The following ZCCHC7 variants were observed in gnomAD, a reference collection of about 807,000 sequenced individuals.
ZCCHC7 encodes zinc finger CCHC domain-containing protein 7.
In ZCCHC7, 35 loss-of-function variants were observed where a neutral mutation model predicts 52.0. The ratio of observed to expected loss-of-function variants is 0.67; its 90% CI spans 0.51 to 0.89. The LOEUF (loss-of-function observed/expected upper bound fraction) is 0.89, where lower values mean the gene tolerates loss of function less well. Among genes scored for constraint, ZCCHC7 ranks in the 40% least tolerant of loss-of-function variants. The pLI is 0.00. For synonymous variants in ZCCHC7, 217 were observed against 221.5 expected, an observed-to-expected ratio of 0.98 and a Z score of 0.18; for missense variants, 574 against 649.1, an observed-to-expected ratio of 0.88 and a Z score of 1.26.
At chr9:37,356,251 C>A (rs1011877887) in intron 8 of ZCCHC7, among the ~76,000 whole-genome samples, 1 of 151,724 alleles carries the variant, frequency 6.6e-6, no homozygotes, top group Non-Finnish European at 1.5e-5. Context: ...CCGTATTAAG[C>A]GTGTCAAGCT....
intron 2 of ZCCHC7, among the ~76,000 whole-genome samples, chr9:37,143,297 A>T (rs937885094): frequency 2.6e-5 from 4 of 151,538 alleles, no homozygotes; most frequent in Admixed American, 2.6e-4. Flanking sequence ...TTTATTCATG[A>T]TTTTTTTAGG....
chr9:37,120,435 C>T (rs1321990377), upstream of ZCCHC7: 1 of 396,372 alleles, frequency 2.5e-6, no homozygotes, highest in Non-Finnish European at 4.5e-6. Flanking sequence ...ACCCACTACG[C>T]ATGCGCACAT....
intron 2 of ZCCHC7, among the ~76,000 whole-genome samples, chr9:37,183,642 C>G (rs1236308979): frequency 1.3e-5 from 2 of 152,156 alleles, no homozygotes; most frequent in South Asian, 4.1e-4. Context: ...CTTCAGTTTA[C>G]CAGGCATGGA....
chr9:37,299,277 A>G (rs1251469470), intron 2 of ZCCHC7, among the ~76,000 whole-genome samples: 1 of 152,222 alleles, frequency 6.6e-6, no homozygotes, highest in Non-Finnish European at 1.5e-5. Flanking sequence ...ACCTTGTGCT[A>G]GTTGCAAAGG....
At chr9:37,252,536 T>C (rs1291318077) in intron 2 of ZCCHC7, among the ~76,000 whole-genome samples, 1 of 152,180 alleles carries the variant, frequency 6.6e-6, no homozygotes, top group Non-Finnish European at 1.5e-5. Flanking sequence ...TATAGTCACA[T>C]ACAAAATGTA....
intron 2 of ZCCHC7, among the ~76,000 whole-genome samples, chr9:37,270,882 C>G (rs530311417): frequency 6.0e-4 from 91 of 150,940 alleles, no homozygotes; most frequent in African/African-American, 1.9e-3. Flanking sequence ...ACAGAGATGA[C>G]TCTTTCTGTA....
chr9:37,158,620 T>C (rs1393999347), intron 2 of ZCCHC7, among the ~76,000 whole-genome samples: 1 of 152,202 alleles, frequency 6.6e-6, no homozygotes, highest in Non-Finnish European at 1.5e-5. Flanking sequence ...TAAATGCATA[T>C]ATTTAGCTAA....
intron 2 of ZCCHC7, among the ~76,000 whole-genome samples, chr9:37,159,824 A>C (rs1820998247): frequency 6.6e-6 from 1 of 152,358 alleles, no homozygotes; most frequent in South Asian, 2.1e-4. Flanking sequence ...CTAATCAGTC[A>C]TTAGGTTCTC....
chr9:37,287,670 T>A (rs1349431778), intron 2 of ZCCHC7, among the ~76,000 whole-genome samples: 1 of 152,196 alleles, frequency 6.6e-6, no homozygotes, highest in African/African-American at 2.4e-5. Context: ...TATACATATT[T>A]ATGTGTTTTT....
At chr9:37,353,001 A>G (rs1821486471) in intron 7 of ZCCHC7, among the ~76,000 whole-genome samples, 1 of 152,244 alleles carries the variant, frequency 6.6e-6, no homozygotes, top group Admixed American at 6.5e-5. Flanking sequence ...AGTGAACAGC[A>G]TCAACAAAAC....
chr9:37,172,710 A>G (rs531709899), intron 2 of ZCCHC7, among the ~76,000 whole-genome samples: 2 of 151,480 alleles, frequency 1.3e-5, no homozygotes, highest in Middle Eastern at 6.8e-3. Context: ...GCATTCCAAT[A>G]GAGAGACTTC....
At chr9:37,201,433 T>G (rs1823624542) in intron 2 of ZCCHC7, among the ~76,000 whole-genome samples, 1 of 152,236 alleles carries the variant, frequency 6.6e-6, no homozygotes, top group Admixed American at 6.5e-5. Context: ...ATCCTGCTTG[T>G]ACGGCTAAGG....
At chr9:37,341,921 A>G (rs1010678726) in intron 6 of ZCCHC7, among the ~76,000 whole-genome samples, 7 of 152,076 alleles carry the variant, frequency 4.6e-5, no homozygotes, top group African/African-American at 1.7e-4. Flanking sequence ...ATGAGGTTAG[A>G]GAGGTGGGAG....
chr9:37,250,176 G>A (rs919238679), intron 2 of ZCCHC7, among the ~76,000 whole-genome samples: 1 of 152,070 alleles, frequency 6.6e-6, no homozygotes, highest in Non-Finnish European at 1.5e-5. Context: ...CACATGAATA[G>A]TTTTCTCCAT....
At chr9:37,192,052 C>T (rs549155445) in intron 2 of ZCCHC7, among the ~76,000 whole-genome samples, 2 of 152,284 alleles carry the variant, frequency 1.3e-5, no homozygotes, top group East Asian at 3.9e-4. Flanking sequence ...GTAGTGGTCT[C>T]CCAAGGGGCA....
At chr9:37,151,582 A>G (rs1360381967) in intron 2 of ZCCHC7, among the ~76,000 whole-genome samples, 6 of 152,036 alleles carry the variant, frequency 3.9e-5, no homozygotes, top group Admixed American at 3.9e-4. Context: ...AGGCAGGTGG[A>G]TCACCTGAGG....
chr9:37,191,927 G>A (rs543949900), intron 2 of ZCCHC7, among the ~76,000 whole-genome samples: 26 of 152,302 alleles, frequency 1.7e-4, no homozygotes, highest in Non-Finnish European at 3.4e-4. Flanking sequence ...GTCCTTTGGG[G>A]GCAGAGCTGT....
Position 37,357,239 on chromosome 9 carries a change from C to A in ZCCHC7, c.1603C>A (p.Leu535Ile), listed in dbSNP as rs1452408632. The change falls in exon 9 of 9, where the codon CTT becomes ATT. Residue 535 changes from leucine (L) to isoleucine (I), a missense_variant. Coordinates refer to ENST00000336755, the MANE Select transcript of ZCCHC7 (RefSeq NM_032226.3). ...WEDDDNDNLF[L>I]IKQRKKKS is the part of the protein sequence containing the mutation. ...AGATGATGACAATGATAACTTATTT[C>A]TTATTAAGCAGAGAAAAAAAAAGTC... is the stretch of plus-strand genomic sequence containing the variant. The A allele has an allele frequency of 6.2e-7, 1 of 1,600,050 alleles. No homozygotes were observed. The highest frequency in any genetic ancestry group is 8.5e-7 in the Non-Finnish European group (1 of 1,176,208).
At chr9:37,158,185 TAA>T (rs1302583816) in intron 2 of ZCCHC7, among the ~76,000 whole-genome samples, 1 of 152,244 alleles carries the variant, frequency 6.6e-6, no homozygotes, top group Non-Finnish European at 1.5e-5. Flanking sequence ...AGAGATTTGT[TAA>T]GAGAGCATTT....
Sources: gnomAD v4.1 joint callset for allele counts (sites outside exome capture counted in the v4.1 genomes callset) on GRCh38, gnomAD v4.1.1 for gene constraint, MANE v1.5 for transcripts, NCBI Gene and HGNC (gene_info 2026-07-23, HGNC 2026-07-21) for gene names.